The following CREBBP variants were observed in gnomAD, a reference collection of about 807,000 sequenced individuals.
CREBBP encodes CREB binding lysine acetyltransferase.
In CREBBP, 19 loss-of-function variants were observed where a neutral mutation model predicts 265.0. The observed-to-expected ratio is 0.07, with a 90% CI of 0.05 to 0.11. The LOEUF is 0.11. CREBBP is among the 10% of genes least tolerant of loss of function. CREBBP has a pLI of 1.00. For missense variants in CREBBP, 2,525 were observed against 3,219.0 expected (o/e 0.78, Z 5.22); for synonymous variants, 1,457 against 1,223.7 (o/e 1.19, Z -3.98).
intron 28 of CREBBP, among the ~76,000 whole-genome samples, chr16:3,734,266 G>A (rs904085761): frequency 6.6e-6 from 1 of 152,160 alleles, no homozygotes; most frequent in Non-Finnish European, 1.5e-5. Context: ...CACTAAGGCT[G>A]ACCCCCAGAG....
chr16:3,860,881 C>T (rs1370348757), intron 1 of CREBBP, among the ~76,000 whole-genome samples: 1 of 152,096 alleles, frequency 6.6e-6, no homozygotes, highest in African/African-American at 2.4e-5. Flanking sequence ...ACAGGAAGTG[C>T]AGTCTGGTGT....
intron 1 of CREBBP, among the ~76,000 whole-genome samples, chr16:3,854,893 T>C (rs1285440315): frequency 6.6e-6 from 1 of 152,232 alleles, no homozygotes; most frequent in Non-Finnish European, 1.5e-5. Context: ...TACATGCATG[T>C]AACAGTTTTT....
At chr16:3,830,204 C>G (rs1010597389) in intron 2 of CREBBP, among the ~76,000 whole-genome samples, 20 of 152,108 alleles carry the variant, frequency 1.3e-4, no homozygotes, top group African/African-American at 4.6e-4. Context: ...TGAGACCAGC[C>G]TGGGAAACAT....
intron 16 of CREBBP, among the ~76,000 whole-genome samples, chr16:3,764,455 T>C (rs1335314915): frequency 6.7e-6 from 1 of 149,268 alleles, no homozygotes; most frequent in African/African-American, 2.5e-5. Flanking sequence ...TTAAACTGTT[T>C]TGTAGAGACA....
Position 3,757,236 on chromosome 16 carries a change from G to A in CREBBP, c.3698+52C>T, listed in dbSNP as rs369273685. On this transcript the variant is annotated intron_variant, in intron 19 of 30. Transcript: ENST00000262367. The stretch of plus-strand genomic sequence containing the variant: ...AAATAATGTACACAGACTATAACCA[G>A]ATGAACGTGCCTTGCCCTAAGACAT... 1.1e-4 allele frequency: 150 copies of A among 1,397,832 alleles called. 1 individual carries two copies. In the Admixed American group the frequency reaches 2.7e-3, roughly 25 times the overall value. 86.6% of individuals were successfully genotyped at this position (1,397,832 alleles called of 1,614,324 possible).
At chr16:3,810,515 T>C in intron 3 of CREBBP, 88 bp downstream of exon 3, 2 of 1,479,964 alleles carry the variant, frequency 1.4e-6, no homozygotes, top group Non-Finnish European at 1.9e-6. Context: ...CACTTTTAGT[T>C]ATAGACTTTC....
chr16:3,762,797 C>A (rs1051035038), intron 16 of CREBBP, among the ~76,000 whole-genome samples: 2 of 147,588 alleles, frequency 1.4e-5, no homozygotes, highest in African/African-American at 2.5e-5. Flanking sequence ...TTTTTTGAGA[C>A]GGAGTCTTGC....
At chr16:3,743,930 G>GGA (rs2052277225) in intron 23 of CREBBP, among the ~76,000 whole-genome samples, 1 of 152,074 alleles carries the variant, frequency 6.6e-6, no homozygotes, top group African/African-American at 2.4e-5. Flanking sequence ...ACAAAAATTA[G>GGA]CTGGGCAAGG....
chr16:3,805,877 A>C (rs1022093415), intron 3 of CREBBP, among the ~76,000 whole-genome samples: 2 of 152,194 alleles, frequency 1.3e-5, no homozygotes, highest in Non-Finnish European at 2.9e-5. Flanking sequence ...AACACAAAGA[A>C]CCGCAAGCCC....
chr16:3,729,933 T>A, intron 30 of CREBBP, 59 bp from the exon 31 acceptor site: 1 of 1,584,876 alleles, frequency 6.3e-7, no homozygotes, highest in Non-Finnish European at 8.5e-7. Context: ...CCACCAGGCA[T>A]CCTGGCTGCT....
chr16:3,765,744 C>A (rs551874338), intron 16 of CREBBP, among the ~76,000 whole-genome samples: 1 of 152,272 alleles, frequency 6.6e-6, no homozygotes, highest in Admixed American at 6.5e-5. Flanking sequence ...ACCTCCCAGG[C>A]TCAGGTGATT....
intron 21 of CREBBP, among the ~76,000 whole-genome samples, chr16:3,746,645 G>A (rs2052349615): frequency 6.6e-6 from 1 of 152,164 alleles, no homozygotes; most frequent in Non-Finnish European, 1.5e-5. Context: ...GGAAAGGAGT[G>A]TCCCCCAAAA....
intron 2 of CREBBP, among the ~76,000 whole-genome samples, chr16:3,849,439 GTGT>G (rs1567360415): frequency 0.02 from 336 of 17,222 alleles, 7 homozygotes; most frequent in Non-Finnish European, 0.036. Flanking sequence ...GTGTGTGTGT[GTGT>G]GTGTGTGTGT....
intron 3 of CREBBP, among the ~76,000 whole-genome samples, chr16:3,804,996 T>C (rs1404214457): frequency 1.3e-5 from 2 of 152,264 alleles, no homozygotes; most frequent in Non-Finnish European, 2.9e-5. Flanking sequence ...AAGGACTCGC[T>C]ACTTTCTCTC....
chr16:3,861,060 C>G (rs1226830610), intron 1 of CREBBP, among the ~76,000 whole-genome samples: 1 of 152,068 alleles, frequency 6.6e-6, no homozygotes, highest in Non-Finnish European at 1.5e-5. Context: ...CACCTATGGT[C>G]AGGAGTTCGA....
rs754282387 is a variant in CREBBP at position 3,729,113 on chromosome 16, G to C, written c.5934C>G (p.Asn1978Lys). The C allele has an allele frequency of 1.5e-5, 24 of 1,581,226 alleles. No individual in the cohort carries two copies. Among genetic ancestry groups the C allele is most frequent in the Non-Finnish European group, 2.1e-5 (24 of 1,169,794 alleles). The change falls in exon 31 of 31, where the codon AAC (asparagine) becomes AAG (lysine). Residue 1978 changes from asparagine to lysine, a missense_variant. Asn to Lys is a moderately conservative substitution (Grantham distance 94, BLOSUM62 0). Around this residue, in one of 19 missense-constraint regions of CREBBP, gnomAD observed 275 missense variants for 276.5 expected, o/e 0.99. Coordinates refer to ENST00000262367, the MANE Select transcript of CREBBP (RefSeq NM_004380.3). ...QQQHLYRVNINNSMPPGRTGM... is the reference protein window; with the variant it reads ...QQQHLYRVNIKNSMPPGRTGM... ...CCGTGCGTCCTGGGGGCATGCTGTT[G>C]TTGATGTTCACCCGGTACAGGTGCT... is the stretch of plus-strand genomic sequence containing the variant.
Position 3,757,914 on chromosome 16 carries a change from A to G in CREBBP, c.3504T>C (p.Asn1168=), listed in dbSNP as rs1193082294. 3 of 1,614,122 alleles carry G rather than the reference A, an allele frequency of 1.9e-6. No homozygotes were observed. The highest frequency in any genetic ancestry group is 2.2e-5 in the East Asian group (1 of 44,880). The change falls in exon 18 of 31, where the codon AAT becomes AAC. Residue 1168 remains asparagine (N), a synonymous_variant. Coordinates refer to ENST00000262367, the MANE Select transcript of CREBBP (RefSeq NM_004380.3). ...WLMFNNAWLY[N]RKTSRVYKFC... ...ACTTATAGACTCGGGATGTCTTGCG[A>G]TTATAGAGCCAGGCATTGTTGAACA...
intron 1 of CREBBP, among the ~76,000 whole-genome samples, chr16:3,859,645 T>C (rs537057290): frequency 2.6e-5 from 4 of 152,240 alleles, no homozygotes; most frequent in Middle Eastern, 3.4e-3. Context: ...AAGGGAGAGA[T>C]ACTAAAGCTT....
At chr16:3,841,187 T>C (rs1014415072) in intron 2 of CREBBP, among the ~76,000 whole-genome samples, 2 of 152,180 alleles carry the variant, frequency 1.3e-5, no homozygotes, top group Admixed American at 1.3e-4. Context: ...GGGGTCTGTG[T>C]AGTTTGAACG....
Sources: gnomAD v4.1 joint callset for allele counts (sites outside exome capture counted in the v4.1 genomes callset) on GRCh38, gnomAD v4.1.1 for gene constraint, gnomAD v4.1.1 regional missense constraint, MANE v1.5 for transcripts, NCBI Gene and HGNC (gene_info 2026-07-23, HGNC 2026-07-21) for gene names.